Variants in RNASEH2B observed in about 807,000 individuals in gnomAD.
RNASEH2B encodes ribonuclease H2 subunit B.
RNASEH2B carries 36 observed loss-of-function variants against 45.0 expected under a neutral mutation model. The observed-to-expected ratio is 0.80, with a 90% confidence interval of 0.61 to 1.06. RNASEH2B has a LOEUF of 1.06. RNASEH2B is among the 50% of genes least tolerant of loss of function. RNASEH2B has a pLI of 0.00. For synonymous variants in RNASEH2B, 119 were observed against 125.7 expected (o/e 0.95, Z 0.35); for missense variants, 361 against 360.3 (o/e 1.00, Z -0.02).
intron 5 of RNASEH2B, chr13:50,937,942 T>A (rs1224060024): frequency 6.6e-6 from 1 of 152,200 alleles, no homozygotes; most frequent in Non-Finnish European, 1.5e-5. Context: ...TGTCCTAGCA[T>A]GTGCAATAAG....
chr13:50,930,017 C>CACCGAGATCTA, intron 3 of RNASEH2B: 1 of 250,508 alleles, frequency 4.0e-6, no homozygotes, highest in South Asian at 5.0e-5. Context: ...ACCTGCCTGC[C>CACCGAGATCTA]CACCTGCTCC....
chr13:50,940,499 C>T (rs1159764557), intron 5 of RNASEH2B, among the ~76,000 whole-genome samples: 1 of 152,228 alleles, frequency 6.6e-6, no homozygotes, highest in Non-Finnish European at 1.5e-5. Context: ...GCCCCTTTCC[C>T]CCAAAATAAT....
At chr13:50,916,056 A>AAT (rs1188054322) in intron 1 of RNASEH2B, among the ~76,000 whole-genome samples, 3 of 151,956 alleles carry the variant, frequency 2.0e-5, no homozygotes, top group Middle Eastern at 3.2e-3. Flanking sequence ...TTAGAATAAT[A>AAT]ATATTTACCC....
downstream of RNASEH2B, among the ~76,000 whole-genome samples, chr13:50,960,433 A>C (rs1340555868): frequency 6.6e-6 from 1 of 152,162 alleles, no homozygotes; most frequent in Non-Finnish European, 1.5e-5. Context: ...GATTTTATTG[A>C]TGTGCTTTAC....
rs143108163 is a variant in RNASEH2B, at chr13:50,915,932, T to A, written c.64+5792T>A. On this transcript the variant is annotated intron_variant, in intron 1 of 10. Transcript: ENST00000336617. ...GCATGATTGGCTACCTTTGCCTGAT[T>A]GTTTTTAAAGATTTTTTGTTATTGT... 1.4e-3 allele frequency among the ~76,000 whole-genome samples: 216 copies of A among 152,340 alleles called. 1 individual carries two copies. The highest frequency in any genetic ancestry group is 6.8e-3 in the Middle Eastern group (2 of 294).
intron 9 of RNASEH2B, chr13:50,969,884 CTG>C: frequency 6.5e-7 from 1 of 1,532,268 alleles, no homozygotes; most frequent in South Asian, 1.2e-5. Context: ...TTTCAGGTGA[CTG>C]TTTCTCCTCA....
intron 1 of RNASEH2B, among the ~76,000 whole-genome samples, chr13:50,920,154 C>T (rs184602174): frequency 2.0e-5 from 3 of 152,322 alleles, no homozygotes; most frequent in Admixed American, 1.3e-4. Flanking sequence ...AAGCGATTCT[C>T]ATGCCTCAGC....
Position 50,929,991 on chromosome 13 carries a change from A to C in RNASEH2B, c.244+409A>C, listed in dbSNP as rs185555895. 9.4e-5 allele frequency: 25 copies of C among 266,792 alleles called. No homozygotes were observed. The East Asian group carries it at 2.4e-3, about 25-fold the overall frequency. 16.5% of individuals were successfully genotyped at this position (266,792 alleles called of 1,614,324 possible). On this transcript the variant is annotated intron_variant, in intron 3 of 10. Coordinates refer to ENST00000336617, the MANE Select transcript of RNASEH2B (RefSeq NM_024570.4). ...GCTAGAGCATAACAAAGTTTCTTTA[A>C]AATGCTTTGTCATATACCTGCCTGC... is the stretch of plus-strand genomic sequence containing the variant.
At chr13:50,954,046 C>T (rs1952011489) in intron 10 of RNASEH2B, 61 bp downstream of exon 10, 1 of 1,001,904 alleles carries the variant, frequency 1.0e-6, no homozygotes, top group Non-Finnish European at 1.6e-6. Context: ...TGCATGAATA[C>T]ATGAGGAACA....
chr13:50,952,730 T>G (rs1951992953), intron 9 of RNASEH2B: 1 of 152,192 alleles, frequency 6.6e-6, no homozygotes, highest in African/African-American at 2.4e-5. Flanking sequence ...AAGTTGCAAA[T>G]ATACATTCAC....
At chr13:50,946,884 CT>C (rs1951906521) in intron 7 of RNASEH2B, among the ~76,000 whole-genome samples, 3 of 152,156 alleles carry the variant, frequency 2.0e-5, no homozygotes, top group Admixed American at 1.3e-4. Context: ...AAATAGTTTT[CT>C]TGGTCTAGTC....
At chr13:50,938,446 T>G (rs1951787360) in intron 5 of RNASEH2B, 1 of 152,016 alleles carries the variant, frequency 6.6e-6, no homozygotes. Flanking sequence ...ATTGATAAAC[T>G]GATTCTAGAA....
At chr13:50,924,312 A>G (rs1425748944) in intron 1 of RNASEH2B, among the ~76,000 whole-genome samples, 1 of 152,240 alleles carries the variant, frequency 6.6e-6, no homozygotes, top group Non-Finnish European at 1.5e-5. Flanking sequence ...TTTAAATTTA[A>G]CAACAAAAAT....
rs1321434798 is a variant in RNASEH2B at position 50,910,156 on chromosome 13, C to A, written c.64+16C>A. 3 of 1,387,652 alleles carry A rather than the reference C, an allele frequency of 2.2e-6. No individual in the cohort carries two copies. Among genetic ancestry groups the A allele is most frequent in the South Asian group, 1.5e-5 (1 of 67,814 alleles). 86.0% of individuals were successfully genotyped at this position (1,387,652 alleles called of 1,614,324 possible). On this transcript the variant is annotated intron_variant, in intron 1 of 10. Transcript: ENST00000336617. The stretch of plus-strand genomic sequence containing the variant: ...CTGGTTTCAGGTAAACACGCGCGCC[C>A]GGGCGGCGGGGTCGGCCCAAGAACT...
chr13:50,924,905 G>C (rs960634707), intron 1 of RNASEH2B, among the ~76,000 whole-genome samples: 19 of 151,784 alleles, frequency 1.3e-4, no homozygotes, highest in African/African-American at 4.3e-4. Context: ...TTTTATTCCT[G>C]TTTCTTATGC....
At chr13:50,941,130 A>C (rs1233458449) in intron 5 of RNASEH2B, 1 of 152,238 alleles carries the variant, frequency 6.6e-6, no homozygotes, top group African/African-American at 2.4e-5. Flanking sequence ...TTAGTTTCTT[A>C]TGTTTTATTA....
chr13:50,934,896 G>C lies in RNASEH2B; in HGVS notation c.333G>C (p.Gln111His), dbSNP rs1951726697. The change falls in exon 5 of 11, where the codon CAG becomes CAC. Residue 111 changes from glutamine to histidine, a missense_variant. By Grantham distance (24) the Gln-to-His change is conservative (BLOSUM62 0). Coordinates refer to ENST00000336617, the MANE Select transcript of RNASEH2B (RefSeq NM_024570.4). The part of the protein sequence containing the change: ...LIKADKEGKF[Q>H]PLDQVVVDNV... ...AACTGTTTTTTCAGGGGAAGTTTCAGCCCCTTGATCAAGTTGTGGTGGATA... is the reference window on the plus strand; with the variant it reads ...AACTGTTTTTTCAGGGGAAGTTTCACCCCCTTGATCAAGTTGTGGTGGATA... The C allele has an allele frequency of 6.2e-7, 1 of 1,611,474 alleles. No homozygotes were observed. The highest frequency in any genetic ancestry group is 1.3e-5 in the African/African-American group (1 of 74,866).
intron 1 of RNASEH2B, among the ~76,000 whole-genome samples, chr13:50,918,553 C>T (rs1951477905): frequency 6.6e-6 from 1 of 152,150 alleles, no homozygotes; most frequent in Non-Finnish European, 1.5e-5. Context: ...CTTGGTTTGC[C>T]TCTTGTAGTC....
downstream of RNASEH2B, among the ~76,000 whole-genome samples, chr13:50,959,099 A>T (rs1452453036): frequency 6.6e-6 from 1 of 151,684 alleles, no homozygotes; most frequent in Non-Finnish European, 1.5e-5. Flanking sequence ...AGTGATTTTG[A>T]ACATTTTTTC....
Sources: allele counts gnomAD v4.1 joint callset (sites outside exome capture counted in the v4.1 genomes callset), GRCh38; gene constraint gnomAD v4.1.1; transcripts MANE v1.5; gene names NCBI Gene and HGNC (gene_info 2026-07-23, HGNC 2026-07-21).